The following KLF12 variants were observed in gnomAD, a reference collection of about 807,000 sequenced individuals.
The protein encoded by KLF12 is KLF transcription factor 12.
KLF12 carries 9 observed loss-of-function variants against 37.8 expected under a neutral mutation model. The observed-to-expected ratio is 0.24, with a 90% CI of 0.14 to 0.42. KLF12 has a LOEUF of 0.42. Ranked by LOEUF, KLF12 falls within the 10% of genes least tolerant of loss-of-function variation. The pLI is 1.00. For missense variants in KLF12, 411 were observed against 516.0 expected (o/e 0.80, Z 1.97); for synonymous variants, 208 against 202.1 (o/e 1.03, Z -0.25).
chr13:74,250,247 G>C, the KLF12 span, among the ~76,000 whole-genome samples: 4 of 152,216 alleles, frequency 2.6e-5, no homozygotes, highest in African/African-American at 4.8e-5. Context: ...TCTACACACA[G>C]AGAGCTATGT....
intron 2 of KLF12, among the ~76,000 whole-genome samples, chr13:73,976,155 T>TG (rs1555330699): frequency 6.7e-6 from 1 of 149,014 alleles, no homozygotes; most frequent in African/African-American, 2.4e-5. Flanking sequence ...TTTTGGGGTT[T>TG]TTTTTTTCCC....
intron 5 of KLF12, chr13:73,802,162 C>T (rs1882312771): frequency 6.6e-6 from 1 of 152,076 alleles, no homozygotes; most frequent in Admixed American, 6.6e-5. Flanking sequence ...GAAATGGAGA[C>T]AGAAATCACT....
chr13:74,074,093 C>T (rs372305231), intron 1 of KLF12, among the ~76,000 whole-genome samples: 2 of 152,316 alleles, frequency 1.3e-5, no homozygotes, highest in African/African-American at 2.4e-5. Context: ...AAAAGAATCA[C>T]TGATTAAAAA....
rs146337646 is a variant in KLF12 at position 73,733,429 on chromosome 13, CT to C, written c.870-17905del. 7.7e-3 allele frequency among the ~76,000 whole-genome samples: 1,165 copies of C among 152,178 alleles called. 16 individuals are homozygous for C. Among genetic ancestry groups the C allele is most frequent in the African/African-American group, 0.026 (1,094 of 41,528 alleles). ...TATTCGTCTTTTTATGTCTGTCTGT[CT>C]TATTTCACTTAGCATAAAGTTTTCA... is the stretch of plus-strand genomic sequence containing the variant. On this transcript the variant is annotated intron_variant, in intron 6 of 7. Coordinates refer to ENST00000377669, the MANE Select transcript of KLF12 (RefSeq NM_007249.5).
chr13:73,980,076 GTTGT>G (rs1421556679), intron 2 of KLF12, among the ~76,000 whole-genome samples: 4 of 152,156 alleles, frequency 2.6e-5, no homozygotes, highest in Non-Finnish European at 4.4e-5. Context: ...ATAAATTTCG[GTTGT>G]TTAAGTCATG....
the KLF12 span, among the ~76,000 whole-genome samples, chr13:74,154,797 C>T: frequency 6.6e-6 from 1 of 152,230 alleles, no homozygotes; most frequent in Non-Finnish European, 1.5e-5. Context: ...GATCTCTGCT[C>T]TCCAGGGTCC....
At chr13:74,252,859 C>A in the KLF12 span, among the ~76,000 whole-genome samples, 1 of 152,108 alleles carries the variant, frequency 6.6e-6, no homozygotes, top group South Asian at 2.1e-4. Flanking sequence ...TTCAAGTCAC[C>A]TCTTTGCAGA....
rs554888852 is a variant in KLF12, at chr13:74,065,997, C to T, written c.-32+67742G>A. On this transcript the variant is annotated intron_variant, in intron 1 of 7. Transcript: ENST00000377669. Reference sequence around the variant, plus strand: ...TACATAGAAGACATTCCTGGGGACGCGGACATAAAAAGATTAGGGAGACTT... The same window carrying T: ...TACATAGAAGACATTCCTGGGGACGTGGACATAAAAAGATTAGGGAGACTT... Among the ~76,000 whole-genome samples the T allele has an allele frequency of 9.9e-5, 15 of 152,078 alleles. No homozygotes were observed. The South Asian group carries it at 2.7e-3, about 27-fold the overall frequency.
At chr13:74,199,922 A>G in the KLF12 span, among the ~76,000 whole-genome samples, 5 of 152,154 alleles carry the variant, frequency 3.3e-5, no homozygotes, top group African/African-American at 1.2e-4. Context: ...ACTGTTGATG[A>G]CATCTAGTAA....
the KLF12 span, among the ~76,000 whole-genome samples, chr13:74,238,721 T>TTTGCATAGAGGTG: frequency 6.6e-6 from 1 of 151,284 alleles, no homozygotes; most frequent in Non-Finnish European, 1.5e-5. Context: ...TTCTAGTTTA[T>TTTGCATAGAGGTG]TTGCATAGAG....
At chr13:73,939,205 T>C (rs187409199) in intron 3 of KLF12, among the ~76,000 whole-genome samples, 4 of 152,174 alleles carry the variant, frequency 2.6e-5, no homozygotes, top group Non-Finnish European at 5.9e-5. Context: ...ACTTAGGAAA[T>C]AAACAGTGAG....
intron 2 of KLF12, among the ~76,000 whole-genome samples, chr13:73,968,783 A>T (rs1224453512): frequency 6.6e-6 from 1 of 152,162 alleles, no homozygotes. Context: ...TATCATCATC[A>T]GGAACTTAAA....
At chr13:74,131,871 A>G (rs1878276009) in intron 1 of KLF12, among the ~76,000 whole-genome samples, 1 of 152,060 alleles carries the variant, frequency 6.6e-6, no homozygotes, top group African/African-American at 2.4e-5. Flanking sequence ...TATATGCTCA[A>G]ATTGCTCTTT....
intron 2 of KLF12, among the ~76,000 whole-genome samples, chr13:73,972,312 G>T (rs1891370409): frequency 6.6e-6 from 1 of 152,054 alleles, no homozygotes. Flanking sequence ...TTCACTGTAA[G>T]TGTTCCATTA....
chr13:73,881,586 C>T (rs1175502822), intron 3 of KLF12, among the ~76,000 whole-genome samples: 1 of 151,964 alleles, frequency 6.6e-6, no homozygotes, highest in African/African-American at 2.4e-5. Flanking sequence ...TTTCTTCTGC[C>T]TGTGTTTTTT....
chr13:73,995,739 T>C (rs1892096252), intron 1 of KLF12, among the ~76,000 whole-genome samples: 2 of 152,214 alleles, frequency 1.3e-5, no homozygotes, highest in African/African-American at 4.8e-5. Context: ...TTAAATATTA[T>C]TGGGCTGGGG....
At position 73,689,065 on chromosome 13, in the gene KLF12, T is replaced by TA. The variant is rs1272308326; in HGVS notation, c.*6424dup. On this transcript the variant is annotated 3_prime_UTR_variant, in exon 8 of 8. Coordinates refer to ENST00000377669, the MANE Select transcript of KLF12 (RefSeq NM_007249.5). The stretch of plus-strand genomic sequence containing the variant: ...CTATTGCTTGGCACACAGTGTTTAA[T>TA]AAAGAATAGCTATTATCTTCATGGT... 1.3e-5 allele frequency: 2 copies of TA among 152,130 alleles called. No individual in the cohort carries two copies. Among genetic ancestry groups the TA allele is most frequent in the Admixed American group, 6.6e-5 (1 of 15,266 alleles). 9.4% of individuals were successfully genotyped at this position (152,130 alleles called of 1,614,324 possible).
chr13:73,709,008 T>C (rs1875163770), intron 7 of KLF12, among the ~76,000 whole-genome samples: 1 of 152,186 alleles, frequency 6.6e-6, no homozygotes, highest in Non-Finnish European at 1.5e-5. Context: ...TTTTTTGACA[T>C]GCCTTAAATG....
At chr13:74,139,984 C>A in the KLF12 span, among the ~76,000 whole-genome samples, 1 of 151,662 alleles carries the variant, frequency 6.6e-6, no homozygotes, top group Admixed American at 6.6e-5. Context: ...AATACATTAA[C>A]CTAGGTATTA....
Sources: gnomAD v4.1 joint callset for allele counts (sites outside exome capture counted in the v4.1 genomes callset) on GRCh38, gnomAD v4.1.1 for gene constraint, MANE v1.5 for transcripts, NCBI Gene and HGNC (gene_info 2026-07-23, HGNC 2026-07-21) for gene names.